Variants in CNTN4 observed in about 807,000 individuals in gnomAD.
CNTN4 encodes the protein contactin-4.
Under a neutral mutation model 122.5 loss-of-function variants are expected in CNTN4, and 77 were observed. That is an observed-to-expected ratio of 0.63 (90% CI 0.52 to 0.76). The LOEUF is 0.76. CNTN4 is among the 30% of genes least tolerant of loss of function. CNTN4 has a pLI of 0.00. For missense variants in CNTN4, 1,256 were observed against 1,259.1 expected (o/e 1.00, Z 0.04); for synonymous variants, 512 against 447.0 (o/e 1.15, Z -1.83).
At chr3:2,166,556 A>C (rs563313654) in intron 2 of CNTN4, among the ~76,000 whole-genome samples, 13 of 152,252 alleles carry the variant, frequency 8.5e-5, no homozygotes, top group African/African-American at 2.6e-4. Flanking sequence ...TTGATAATGT[A>C]AGTTATGAAA....
intron 2 of CNTN4, among the ~76,000 whole-genome samples, chr3:2,298,760 C>A (rs914948935): frequency 6.6e-6 from 1 of 152,166 alleles, no homozygotes; most frequent in Admixed American, 6.5e-5. Flanking sequence ...AAAGAAATTA[C>A]GTGGCATATA....
intron 6 of CNTN4, among the ~76,000 whole-genome samples, chr3:2,802,087 T>C (rs2092361780): frequency 6.6e-6 from 1 of 152,212 alleles, no homozygotes; most frequent in South Asian, 2.1e-4. Context: ...TAAATTATTA[T>C]TGTTACCATC....
chr3:2,593,245 T>C (rs1378996371), intron 4 of CNTN4, among the ~76,000 whole-genome samples: 1 of 152,228 alleles, frequency 6.6e-6, no homozygotes, highest in Non-Finnish European at 1.5e-5. Context: ...GTTGACTGGC[T>C]AATAGCTAAT....
intron 13 of CNTN4, among the ~76,000 whole-genome samples, chr3:2,984,222 G>GC (rs1694338594): frequency 5.8e-3 from 1 of 172 alleles, no homozygotes; most frequent in African/African-American, 0.019. Context: ...GCAGGAAGCA[G>GC]GATGGAAATG....
chr3:2,163,210 C>T (rs964835968), intron 2 of CNTN4, among the ~76,000 whole-genome samples: 3 of 152,134 alleles, frequency 2.0e-5, no homozygotes, highest in Non-Finnish European at 4.4e-5. Flanking sequence ...ATACTCATAG[C>T]CAACTGATCT....
chr3:2,787,710 G>A (rs1178644209), intron 6 of CNTN4, among the ~76,000 whole-genome samples: 6 of 151,744 alleles, frequency 4.0e-5, no homozygotes, highest in African/African-American at 1.2e-4. Context: ...ATGCAATAGC[G>A]CATACTTTGT....
intron 3 of CNTN4, among the ~76,000 whole-genome samples, chr3:2,460,707 C>G (rs917906158): frequency 2.6e-5 from 4 of 152,108 alleles, no homozygotes; most frequent in African/African-American, 9.7e-5. Context: ...TAGTTTTATC[C>G]AAAAGGTCTC....
At chr3:2,270,018 C>T (rs1471239597) in intron 2 of CNTN4, among the ~76,000 whole-genome samples, 2 of 98,992 alleles carry the variant, frequency 2.0e-5, no homozygotes, top group African/African-American at 6.3e-5. Context: ...GGCGCAATCT[C>T]GGCTCACTGC....
intron 7 of CNTN4, among the ~76,000 whole-genome samples, chr3:2,845,796 C>T (rs1414577727): frequency 6.6e-6 from 1 of 152,132 alleles, no homozygotes; most frequent in Non-Finnish European, 1.5e-5. Flanking sequence ...CTAAGATTTG[C>T]CTTCTTCAAG....
chr3:2,230,973 G>A lies in CNTN4; in HGVS notation c.-144-108205G>A, dbSNP rs759578770. Among the ~76,000 whole-genome samples the A allele has an allele frequency of 1.5e-3, 232 of 152,108 alleles. 2 individuals are homozygous for A. The highest frequency in any genetic ancestry group is 2.2e-3 in the Non-Finnish European group (147 of 68,006). ...ACTGCACTCCAGCCTGGGCGACAAA[G>A]CGAGACTCTGTTTCAAAAAAACAAA... On this transcript the variant is annotated intron_variant, in intron 2 of 24. Transcript: ENST00000418658.
intron 2 of CNTN4, among the ~76,000 whole-genome samples, chr3:2,140,080 G>A (rs2034919645): frequency 1.3e-5 from 2 of 152,124 alleles, no homozygotes; most frequent in African/African-American, 4.8e-5. Flanking sequence ...AAGCCCTCTT[G>A]CCTGCCGCCA....
chr3:2,460,664 G>A (rs547307449), intron 3 of CNTN4, among the ~76,000 whole-genome samples: 29 of 152,286 alleles, frequency 1.9e-4, no homozygotes, highest in African/African-American at 5.5e-4. Flanking sequence ...GCTTTGGGTA[G>A]ACTGAATGGC....
At chr3:2,553,329 C>T (rs1354586916) in intron 3 of CNTN4, among the ~76,000 whole-genome samples, 1 of 152,162 alleles carries the variant, frequency 6.6e-6, no homozygotes, top group African/African-American at 2.4e-5. Flanking sequence ...CGTTCTGTCT[C>T]TATAGGTATG....
chr3:2,243,782 G>A (rs2040032626), intron 2 of CNTN4, among the ~76,000 whole-genome samples: 1 of 152,028 alleles, frequency 6.6e-6, no homozygotes. Context: ...TATTTTACAT[G>A]TAGAGAGGTC....
At chr3:2,432,017 C>T (rs1362792194) in intron 3 of CNTN4, among the ~76,000 whole-genome samples, 3 of 152,174 alleles carry the variant, frequency 2.0e-5, no homozygotes, top group Non-Finnish European at 2.9e-5. Flanking sequence ...CCCTGCAAAT[C>T]GCAAACCATC....
chr3:2,949,198 C>T (rs1230665530), intron 13 of CNTN4, among the ~76,000 whole-genome samples: 1 of 152,150 alleles, frequency 6.6e-6, no homozygotes. Flanking sequence ...TAATGAACAG[C>T]TCCTTCTTGT....
At chr3:2,486,401 A>C (rs767901395) in intron 3 of CNTN4, among the ~76,000 whole-genome samples, 10 of 152,244 alleles carry the variant, frequency 6.6e-5, no homozygotes, top group Admixed American at 3.3e-4. Flanking sequence ...AGGAACTTCT[A>C]GAAGGTAGTA....
At chr3:2,642,174 T>C (rs2082923962) in intron 4 of CNTN4, among the ~76,000 whole-genome samples, 1 of 152,190 alleles carries the variant, frequency 6.6e-6, no homozygotes, top group Non-Finnish European at 1.5e-5. Flanking sequence ...GCCTTCAGTC[T>C]ATGGTTGAAG....
intron 2 of CNTN4, among the ~76,000 whole-genome samples, chr3:2,201,328 T>G (rs1314877566): frequency 6.6e-6 from 1 of 152,152 alleles, no homozygotes; most frequent in Admixed American, 6.6e-5. Flanking sequence ...CAAGATAATG[T>G]TGGTAGAAGT....
Sources: allele counts gnomAD v4.1 joint callset (sites outside exome capture counted in the v4.1 genomes callset), GRCh38; gene constraint gnomAD v4.1.1; transcripts MANE v1.5; gene names NCBI Gene and HGNC (gene_info 2026-07-23, HGNC 2026-07-21).